The following PASD1 variants were observed in gnomAD, a reference collection of about 807,000 sequenced individuals.
The protein encoded by PASD1 is circadian clock protein PASD1.
In PASD1, 13 loss-of-function variants were observed where a neutral mutation model predicts 58.8. The observed-to-expected ratio is 0.22, with a 90% CI of 0.14 to 0.35. PASD1 has a LOEUF of 0.35. Among genes scored for constraint, PASD1 ranks in the 10% least tolerant of loss-of-function variants. The pLI is 1.00. For missense variants in PASD1, 734 were observed against 568.3 expected (o/e 1.29, Z -2.96); for synonymous variants, 236 against 216.7 (o/e 1.09, Z -0.78).
intron 4 of PASD1, among the ~76,000 whole-genome samples, chrX:151,620,310 T>C (rs1216827746): frequency 9.0e-6 from 1 of 110,740 alleles, no homozygotes; most frequent in Non-Finnish European, 1.9e-5. Context: ...TACAGAAAAA[T>C]GGGATGCAGT....
intron 11 of PASD1, among the ~76,000 whole-genome samples, chrX:151,669,176 G>GTGTATA (rs1556221495): frequency 4.9e-5 from 5 of 101,464 alleles, no homozygotes; most frequent in African/African-American, 1.8e-4. Context: ...ATGTGTGTGT[G>GTGTATA]TATATATATA....
At chrX:151,634,971 C>T (rs2013910349) in intron 8 of PASD1, among the ~76,000 whole-genome samples, 3 of 111,995 alleles carry the variant, frequency 2.7e-5, no homozygotes, top group Admixed American at 9.5e-5. Flanking sequence ...ATCATACCTT[C>T]TACATTTATT....
At position 151,600,700 on chromosome X, in the gene PASD1, C is replaced by T. The variant is rs370740261; in HGVS notation, c.-27-827C>T. 5.4e-5 allele frequency among the ~76,000 whole-genome samples: 6 copies of T among 110,707 alleles called. No individual in the cohort carries two copies. In the East Asian group the frequency reaches 1.4e-3, roughly 26 times the overall value. On this transcript the variant is annotated intron_variant, in intron 1 of 15. Coordinates refer to ENST00000370357, the MANE Select transcript of PASD1 (RefSeq NM_173493.3). ...TTTTTCTTTTCAATGTAATGTTAGC[C>T]TCTGGGAGTTCTGGCTATACATAGG...
intron 10 of PASD1, among the ~76,000 whole-genome samples, chrX:151,661,490 G>A (rs1216909523): frequency 9.0e-6 from 1 of 111,423 alleles, no homozygotes; most frequent in African/African-American, 3.3e-5. Flanking sequence ...ATAGCACAAA[G>A]AAAAAAATAG....
rs1048355282 is a variant in PASD1 at position 151,659,902 on chromosome X, C to T, written c.841+66C>T. On this transcript the variant is annotated intron_variant, in intron 10 of 15. Coordinates refer to ENST00000370357, the MANE Select transcript of PASD1 (RefSeq NM_173493.3). ...AAAACAGTGACCCCCAGGGTAGTTA[C>T]AGTTTTTCAAATGAATATAATGCTC... 5.6e-6 allele frequency: 6 copies of T among 1,071,965 alleles called. No homozygotes were observed. In the African/African-American group the frequency reaches 5.6e-5, roughly 10 times the overall value. The allele number at this position is 1,071,965 out of a possible 1,213,427, so 88.3% of individuals were successfully genotyped here. A position where few individuals can be genotyped will look rare whatever the true frequency, so the allele number is the denominator to read the frequency against.
At chrX:151,655,740 G>A (rs1467086421) in intron 9 of PASD1, among the ~76,000 whole-genome samples, 2 of 111,803 alleles carry the variant, frequency 1.8e-5, no homozygotes, top group Non-Finnish European at 3.8e-5. Flanking sequence ...GTTCATTGTA[G>A]ATTCTGGATA....
At position 151,667,277 on chromosome X, in the gene PASD1, A is replaced by G. The variant is rs2014396011; in HGVS notation, c.1071+2929A>G. ...TTTGAGTTCATTGTAGATTCTGGTT[A>G]TTAGCCGTTTGTCAGATGAGTAGAT... On this transcript the variant is annotated intron_variant, in intron 11 of 15. Transcript: ENST00000370357. Among the ~76,000 whole-genome samples the G allele has an allele frequency of 2.7e-5, 3 of 111,988 alleles. No homozygotes were observed. In the South Asian group the frequency reaches 1.1e-3, roughly 42 times the overall value.
intron 11 of PASD1, among the ~76,000 whole-genome samples, chrX:151,668,876 G>C (rs1373108234): frequency 1.9e-5 from 2 of 105,128 alleles, no homozygotes; most frequent in Non-Finnish European, 3.9e-5. Flanking sequence ...GCATCATCCT[G>C]ATACCAAAGC....
chrX:151,624,041 T>C lies in PASD1; in HGVS notation c.546+977T>C, dbSNP rs1014855539. Among the ~76,000 whole-genome samples, 7 of 111,783 alleles carry C rather than the reference T, an allele frequency of 6.3e-5. No homozygotes were observed. In the Admixed American group the frequency reaches 6.6e-4, roughly 11 times the overall value. ...AGCAGGAAGGTGACATGATCTGATTTTCTTTTTTAAAGGTCAGGCTGAATA... is the reference window on the plus strand; with the variant it reads ...AGCAGGAAGGTGACATGATCTGATTCTCTTTTTTAAAGGTCAGGCTGAATA... On this transcript the variant is annotated intron_variant, in intron 7 of 15. Coordinates refer to ENST00000370357, the MANE Select transcript of PASD1 (RefSeq NM_173493.3).
intron 1 of PASD1, among the ~76,000 whole-genome samples, chrX:151,568,309 ATTCTAT>A (rs1402364608): frequency 9.0e-6 from 1 of 111,449 alleles, no homozygotes; most frequent in Non-Finnish European, 1.9e-5. Flanking sequence ...TTTTCTTCTG[ATTCTAT>A]TTCTAACAGT....
chrX:151,601,642 G>A (rs374427819), intron 2 of PASD1, 61 bp downstream of exon 2: 793 of 1,096,967 alleles, frequency 7.2e-4, no homozygotes, highest in Non-Finnish European at 9.1e-4. Flanking sequence ...CTGTGTTCCC[G>A]TTTCACATCT....
chrX:151,578,286 A>G (rs2013039804), intron 1 of PASD1: 1 of 112,340 alleles, frequency 8.9e-6, no homozygotes, highest in South Asian at 3.7e-4. Context: ...TCCTGTTAAC[A>G]TCTTTTGGTA....
rs770474207 is a variant in PASD1, at chrX:151,628,009, A to C, written c.629+2479A>C. ...TTGGCTGCATAAATGTCTTCTTTTG[A>C]GAAGTGTCTGTTCATATCCTTCGCC... On this transcript the variant is annotated intron_variant, in intron 8 of 15. Transcript: ENST00000370357. Among the ~76,000 whole-genome samples the C allele has an allele frequency of 3.3e-3, 374 of 111,820 alleles. 1 individual carries two copies. The highest frequency in any genetic ancestry group is 5.6e-3 in the Non-Finnish European group (300 of 53,116).
At chrX:151,581,986 CTTTTTTTTT>C (rs72381794) in intron 1 of PASD1, among the ~76,000 whole-genome samples, 1 of 74,324 alleles carries the variant, frequency 1.3e-5, no homozygotes, top group Non-Finnish European at 2.3e-5. Context: ...TTTCTTTTTC[CTTTTTTTTT>C]TTTTTTTTTG....
At chrX:151,578,018 A>G (rs1192314339) in intron 1 of PASD1, among the ~76,000 whole-genome samples, 1 of 111,859 alleles carries the variant, frequency 8.9e-6, no homozygotes, top group Non-Finnish European at 1.9e-5. Flanking sequence ...TGTCACAGAG[A>G]CCATTCAATA....
At chrX:151,662,223 G>A (rs1422095244) in intron 10 of PASD1, among the ~76,000 whole-genome samples, 1 of 107,675 alleles carries the variant, frequency 9.3e-6, no homozygotes, top group Non-Finnish European at 1.9e-5. Context: ...TCATTTATTC[G>A]TACATTCATT....
At chrX:151,600,632 G>A (rs1196328929) in intron 1 of PASD1, among the ~76,000 whole-genome samples, 1 of 110,330 alleles carries the variant, frequency 9.1e-6, no homozygotes, top group African/African-American at 3.3e-5. Flanking sequence ...GAGAGGTGGT[G>A]AGTTTTAATT....
rs139031302 is a variant in PASD1 at position 151,595,348 on chromosome X, G to A, written c.-27-6179G>A. 4.4e-3 allele frequency among the ~76,000 whole-genome samples: 487 copies of A among 111,421 alleles called. 2 individuals are homozygous for A. Among genetic ancestry groups the A allele is most frequent in the Middle Eastern group, 9.2e-3 (2 of 218 alleles). On this transcript the variant is annotated intron_variant, in intron 1 of 15. Coordinates refer to ENST00000370357, the MANE Select transcript of PASD1 (RefSeq NM_173493.3). The stretch of plus-strand genomic sequence containing the variant: ...AATGTCTTCCACCTAGGCATGAACT[G>A]TGGTGGTTATTTAGTTTTGTATTCA...
intron 9 of PASD1, among the ~76,000 whole-genome samples, chrX:151,653,779 TTTCTTTCTTTCTTTCTTTCTTTCCTTCC>T (rs2014176185): frequency 9.0e-4 from 9 of 10,037 alleles, no homozygotes; most frequent in Non-Finnish European, 1.3e-3. Context: ...TCTTTCTTTC[TTTCTTTCTTTCTTTCTTTCTTTCCTTCC>T]TTCCTTCCTT....
Sources: allele counts gnomAD v4.1 joint callset (sites outside exome capture counted in the v4.1 genomes callset), GRCh38; gene constraint gnomAD v4.1.1; transcripts MANE v1.5; gene names NCBI Gene and HGNC (gene_info 2026-07-23, HGNC 2026-07-21).